Variants in GRIN1 observed in about 807,000 individuals in gnomAD.
GRIN1 encodes the protein glutamate receptor ionotropic, NMDA 1.
GRIN1 carries 38 observed loss-of-function variants against 103.0 expected under a neutral mutation model. That is an observed-to-expected ratio of 0.37 (90% confidence interval 0.28 to 0.48). The LOEUF is 0.48. Ranked by LOEUF, GRIN1 falls within the 20% of genes least tolerant of loss-of-function variation. GRIN1 has a pLI of 0.98. For synonymous variants in GRIN1, 544 were observed against 532.7 expected (o/e 1.02, Z -0.29); for missense variants, 577 against 1,288.9 (o/e 0.45, Z 8.46).
chr9:137,162,412 G>T lies in GRIN1; in HGVS notation c.1760G>T (p.Gly587Val). Residue 587 changes from glycine (G) to valine (V), a missense_variant, in exon 13 of 20, where the codon GGC becomes GTC. By Grantham distance (109) the Gly-to-Val change is moderately radical. Coordinates refer to ENST00000371561, the MANE Select transcript of GRIN1 (RefSeq NM_007327.4). ...LYLLDRFSPF[G>V]RFKVNSEEEE... ...CCCTCTGCGCCCCGCAGCCCCTTCG[G>T]CCGGTTCAAGGTGAACAGCGAGGAG... is the stretch of plus-strand genomic sequence containing the variant. The T allele has an allele frequency of 6.2e-7, 1 of 1,605,560 alleles. No homozygotes were observed.
rs1832563238 is a variant in GRIN1, at chr9:137,146,859, G to A, written c.570+957G>A. Among the ~76,000 whole-genome samples the A allele has an allele frequency of 6.6e-6, 1 of 152,118 alleles. No individual in the cohort carries two copies. Among genetic ancestry groups the A allele is most frequent in the Non-Finnish European group, 1.5e-5 (1 of 67,986 alleles). On this transcript the variant is annotated intron_variant, in intron 3 of 19. Coordinates refer to ENST00000371561, the MANE Select transcript of GRIN1 (RefSeq NM_007327.4). The surrounding 1 kb of genome is among the most constrained non-coding windows in gnomAD (Gnocchi z 6.7). ...CCCCAAGGCACCCCAGGCCCCGGGA[G>A]GGACCAGAGGGCATGGGTCGGGGGT...
chr9:137,149,683 C>T (rs1832731216), intron 4 of GRIN1, among the ~76,000 whole-genome samples: 1 of 152,202 alleles, frequency 6.6e-6, no homozygotes, highest in East Asian at 1.9e-4. Flanking sequence ...TTGCAAATGG[C>T]TAGGTTCTCC....
At position 137,156,894 on chromosome 9, in the gene GRIN1, G is replaced by A. The variant is rs2131272543; in HGVS notation, c.825G>A (p.Lys275=). ...TCGGGCTGCAGCTCATCAACGGCAAGAACGAGTCGGCCCACATCAGCGACG... is the reference window on the plus strand; with the variant it reads ...TCGGGCTGCAGCTCATCAACGGCAAAAACGAGTCGGCCCACATCAGCGACG... The part of the protein sequence containing the change: ...GILGLQLING[K]NESAHISDAV... Residue 275 remains lysine (K), a synonymous_variant, in exon 6 of 20, where the codon AAG becomes AAA. Transcript: ENST00000371561. The A allele has an allele frequency of 6.2e-7, 1 of 1,612,212 alleles. No homozygotes were observed. Among genetic ancestry groups the A allele is most frequent in the Non-Finnish European group, 8.5e-7 (1 of 1,179,766 alleles).
At position 137,143,529 on chromosome 9, in the gene GRIN1, G is replaced by T. The variant is rs545811223; in HGVS notation, c.393+1382G>T. 3.5e-3 allele frequency among the ~76,000 whole-genome samples: 526 copies of T among 152,258 alleles called. 1 individual carries two copies. Among genetic ancestry groups the T allele is most frequent in the African/African-American group, 0.012 (502 of 41,492 alleles). On this transcript the variant is annotated intron_variant, in intron 2 of 19. Coordinates refer to ENST00000371561, the MANE Select transcript of GRIN1 (RefSeq NM_007327.4). ...AAAGCAGCCAGTGGTCAAATGAAAGGCGGGGGAAACGGATGCCCCTGGCCC... is the reference window on the plus strand; with the variant it reads ...AAAGCAGCCAGTGGTCAAATGAAAGTCGGGGGAAACGGATGCCCCTGGCCC...
At position 137,139,755 on chromosome 9, in the gene GRIN1, C is replaced by T; in HGVS notation, c.258+11C>T. On this transcript the variant is annotated intron_variant, in intron 1 of 19. Coordinates refer to ENST00000371561, the MANE Select transcript of GRIN1 (RefSeq NM_007327.4). The surrounding 1 kb of genome is among the most constrained non-coding windows in gnomAD (Gnocchi z 7.7). ...CTCATCTCCAGCCAGGTGCCCTCCC[C>T]CACCTCCGCCACCCACCTCCCCTCT... The T allele has an allele frequency of 6.2e-7, 1 of 1,606,136 alleles. No individual in the cohort carries two copies. The highest frequency in any genetic ancestry group is 8.5e-7 in the Non-Finnish European group (1 of 1,173,168).
chr9:137,139,476 G>C lies in GRIN1; in HGVS notation c.-11G>C, dbSNP rs763738610. On this transcript the variant is annotated 5_prime_UTR_variant, in exon 1 of 20. Transcript: ENST00000371561. The surrounding 1 kb of genome is among the most constrained non-coding windows in gnomAD (Gnocchi z 7.7). ...TCGCGCCGCGCAGAGCCAGGCCCGCGGCCCGAGCCCATGAGCACCATGCGC... is the reference window on the plus strand; with the variant it reads ...TCGCGCCGCGCAGAGCCAGGCCCGCCGCCCGAGCCCATGAGCACCATGCGC... 3 of 1,560,752 alleles carry C rather than the reference G, an allele frequency of 1.9e-6. No individual in the cohort carries two copies.
At chr9:137,167,327 C>A (rs1216625783) in intron 19 of GRIN1, 84 bp from the exon 20 acceptor site, 2 of 1,076,690 alleles carry the variant, frequency 1.9e-6, no homozygotes, top group Non-Finnish European at 2.8e-6. Context: ...CCGGTCCGGG[C>A]CAGGGCGGCA....
Position 137,145,660 on chromosome 9 carries a change from G to A in GRIN1, c.394-66G>A, listed in dbSNP as rs1199747235. 3.6e-6 allele frequency: 5 copies of A among 1,383,178 alleles called. No homozygotes were observed. In the African/African-American group the frequency reaches 5.7e-5, roughly 16 times the overall value. The allele number at this position is 1,383,178 out of a possible 1,614,324, so 85.7% of individuals were successfully genotyped here. A position where few individuals can be genotyped will look rare whatever the true frequency, so the allele number is the denominator to read the frequency against. ...GCCTCCGGCGGGTGTTCCGGCAGTG[G>A]GAGGCGGGTGGGAGGGCGGGTCCCC... On this transcript the variant is annotated intron_variant, in intron 2 of 19. Coordinates refer to ENST00000371561, the MANE Select transcript of GRIN1 (RefSeq NM_007327.4).
At chr9:137,148,824 G>A (rs550197487) in intron 3 of GRIN1, among the ~76,000 whole-genome samples, 185 bp from the exon 4 acceptor site, 2 of 152,286 alleles carry the variant, frequency 1.3e-5, no homozygotes, top group Admixed American at 1.3e-4. Context: ...GGACAGGACC[G>A]GAGAGGCGAG....
intron 3 of GRIN1, among the ~76,000 whole-genome samples, chr9:137,147,404 A>G (rs1397079954): frequency 6.6e-6 from 1 of 152,082 alleles, no homozygotes; most frequent in Non-Finnish European, 1.5e-5. Flanking sequence ...ACAGACACAC[A>G]TGCACACACG....
At position 137,158,418 on chromosome 9, in the gene GRIN1, T is replaced by A. The variant is rs1833354445; in HGVS notation, c.1008T>A (p.Gly336=). ...MSSKYADGVT[G]RVEFNEDGDR... The stretch of plus-strand genomic sequence containing the variant: ...CCAAGTATGCGGATGGGGTGACTGG[T>A]CGCGTGGAGTTCAATGAGGATGGGG... The change falls in exon 7 of 20, where the codon GGT becomes GGA. Residue 336 remains glycine (G), a synonymous_variant. Transcript: ENST00000371561. 6.2e-7 allele frequency: 1 copy of A among 1,613,434 alleles called. No individual in the cohort carries two copies. Among genetic ancestry groups the A allele is most frequent in the Non-Finnish European group, 8.5e-7 (1 of 1,179,986 alleles).
chr9:137,167,944 G>A lies in GRIN1; in HGVS notation c.*417G>A. 9.5e-7 allele frequency: 1 copy of A among 1,055,914 alleles called. No individual in the cohort carries two copies. The highest frequency in any genetic ancestry group is 1.4e-6 in the Non-Finnish European group (1 of 705,356). The allele number at this position is 1,055,914 out of a possible 1,614,324, so 65.4% of individuals were successfully genotyped here. A position where few individuals can be genotyped will look rare whatever the true frequency, so the allele number is the denominator to read the frequency against. ...GGGAAGCCCACCCGCCCCAGAGACT[G>A]CCCACCCTGGGCCTCCCGTCCGTCC... On this transcript the variant is annotated 3_prime_UTR_variant, in exon 20 of 20. Coordinates refer to ENST00000371561, the MANE Select transcript of GRIN1 (RefSeq NM_007327.4).
chr9:137,163,013 G>T lies in GRIN1; in HGVS notation c.2171+10G>T. 1 of 1,585,640 alleles carries T rather than the reference G, an allele frequency of 6.3e-7. No homozygotes were observed. The highest frequency in any genetic ancestry group is 8.6e-7 in the Non-Finnish European group (1 of 1,167,856). ...AGGCCGTGAGAGACAAGTGAGGCGC[G>T]GGCGGCCACCCTGGCGGGGCGGGAC... On this transcript the variant is annotated intron_variant, in intron 15 of 19. Coordinates refer to ENST00000371561, the MANE Select transcript of GRIN1 (RefSeq NM_007327.4).
chr9:137,152,863 C>T (rs1221100271), intron 4 of GRIN1, among the ~76,000 whole-genome samples: 6 of 152,166 alleles, frequency 3.9e-5, no homozygotes, highest in Non-Finnish European at 5.9e-5. Context: ...TACATCTCTA[C>T]CCACACATGC....
intron 4 of GRIN1, among the ~76,000 whole-genome samples, chr9:137,153,390 TACAC>T (rs937259118): frequency 6.7e-5 from 10 of 150,138 alleles, no homozygotes; most frequent in East Asian, 2.0e-4. Context: ...ACATGCCACA[TACAC>T]ACCACATGCT....
At chr9:137,155,275 G>A (rs902291237) in intron 4 of GRIN1, among the ~76,000 whole-genome samples, 1 of 152,228 alleles carries the variant, frequency 6.6e-6, no homozygotes, top group Non-Finnish European at 1.5e-5. Flanking sequence ...CGGGCATGCT[G>A]TGCCATGACA....
In GRIN1 at chr9:137,167,625, G is replaced by T; in HGVS notation, c.*98G>T. 6.6e-7 allele frequency: 1 copy of T among 1,515,086 alleles called. No individual in the cohort carries two copies. Among genetic ancestry groups the T allele is most frequent in the Non-Finnish European group, 8.9e-7 (1 of 1,129,814 alleles). The allele number at this position is 1,515,086 out of a possible 1,614,324, so 93.9% of individuals were successfully genotyped here. On this transcript the variant is annotated 3_prime_UTR_variant, in exon 20 of 20. Coordinates refer to ENST00000371561, the MANE Select transcript of GRIN1 (RefSeq NM_007327.4). ...CCACGCAGAGCCCCGGAGCACCACG[G>T]GGTCGGGGGAGGAGCACCCCCAGCC...
Position 137,146,008 on chromosome 9 carries a change from TG to T in GRIN1, c.570+108del. 1 of 833,902 alleles carries T rather than the reference TG, an allele frequency of 1.2e-6. No individual in the cohort carries two copies. 51.7% of individuals were successfully genotyped at this position (833,902 alleles called of 1,614,324 possible). A position where few individuals can be genotyped will look rare whatever the true frequency, so the allele number is the denominator to read the frequency against. On this transcript the variant is annotated intron_variant, in intron 3 of 19. Transcript: ENST00000371561. The surrounding 1 kb of genome is among the most constrained non-coding windows in gnomAD (Gnocchi z 6.7). ...GACACCCTCTTCTTTCCATCGTGCA[TG>T]GTCAGCACCACCACGTCTGGCGAGC...
In GRIN1 at chr9:137,167,352, C is replaced by T. The variant is rs568529693; in HGVS notation, c.2701-59C>T. On this transcript the variant is annotated intron_variant, in intron 19 of 19. Transcript: ENST00000371561. ...CCAGGGCGGCACTGGGCGCTGAGGGCTGGGGTCCCTGGCGGCCGGCGGGGC... is the reference window on the plus strand; with the variant it reads ...CCAGGGCGGCACTGGGCGCTGAGGGTTGGGGTCCCTGGCGGCCGGCGGGGC... 44 of 1,337,088 alleles carry T rather than the reference C, an allele frequency of 3.3e-5. No individual in the cohort carries two copies. In the Middle Eastern group the frequency reaches 7.0e-4, roughly 21 times the overall value. 82.8% of individuals were successfully genotyped at this position (1,337,088 alleles called of 1,614,324 possible). A position where few individuals can be genotyped will look rare whatever the true frequency, so the allele number is the denominator to read the frequency against.
Sources: gnomAD v4.1 joint callset for allele counts (sites outside exome capture counted in the v4.1 genomes callset) on GRCh38, gnomAD v4.1.1 for gene constraint, Gnocchi (gnomAD v3.1) non-coding constraint, MANE v1.5 for transcripts, NCBI Gene and HGNC (gene_info 2026-07-23, HGNC 2026-07-21) for gene names.